The following SETD3 variants were observed in gnomAD, a reference collection of about 807,000 sequenced individuals.
SETD3 encodes actin-histidine N-methyltransferase.
In SETD3, 19 loss-of-function variants were observed where a neutral mutation model predicts 63.0. The observed-to-expected ratio is 0.30, with a 90% CI of 0.21 to 0.44. The LOEUF (loss-of-function observed/expected upper bound fraction) is 0.44, where lower values mean the gene tolerates loss of function less well. Among genes scored for constraint, SETD3 ranks in the 20% least tolerant of loss-of-function variants. The pLI is 1.00. For missense variants in SETD3, 587 were observed against 728.5 expected (o/e 0.81, Z 2.24); for synonymous variants, 286 against 264.1 (o/e 1.08, Z -0.80).
At chr14:99,410,156 C>T (rs1300273056) in intron 8 of SETD3, 1 of 1,595,466 alleles carries the variant, frequency 6.3e-7, no homozygotes, top group East Asian at 2.2e-5. Flanking sequence ...CCCGTAAGTG[C>T]CTAAGGAATG....
At chr14:99,412,815 G>A (rs781033820) in intron 8 of SETD3, 136 bp downstream of exon 8, 20 of 629,752 alleles carry the variant, frequency 3.2e-5, no homozygotes, top group South Asian at 2.0e-4. Context: ...AGGAGTGGCC[G>A]GTTCGGTTTT....
chr14:99,423,946 T>C (rs967339061), intron 6 of SETD3, among the ~76,000 whole-genome samples: 4 of 152,072 alleles, frequency 2.6e-5, no homozygotes, highest in Non-Finnish European at 5.9e-5. Context: ...AGTGGTAAAA[T>C]GGATTTCACT....
chr14:99,473,431 T>C (rs547396184), intron 1 of SETD3, among the ~76,000 whole-genome samples: 1 of 152,354 alleles, frequency 6.6e-6, no homozygotes, highest in African/African-American at 2.4e-5. Context: ...GATATTTATT[T>C]GTGTATTTCT....
intron 6 of SETD3, among the ~76,000 whole-genome samples, chr14:99,419,560 G>C (rs1892466071): frequency 1.3e-5 from 2 of 152,068 alleles, no homozygotes; most frequent in South Asian, 4.2e-4. Context: ...CGGATCACGA[G>C]GTCAGGAGAT....
chr14:99,427,081 T>C (rs1020541841), intron 6 of SETD3, among the ~76,000 whole-genome samples: 3 of 152,228 alleles, frequency 2.0e-5, no homozygotes, highest in South Asian at 2.1e-4. Flanking sequence ...CCTCCTGTCA[T>C]GTTCCTATGA....
At chr14:99,484,050 T>G (rs554889835), upstream of SETD3, among the ~76,000 whole-genome samples, 2 of 152,194 alleles carry the variant, frequency 1.3e-5, no homozygotes, top group Non-Finnish European at 2.9e-5. Flanking sequence ...AAATAAAAAA[T>G]AAATAAATTT....
intron 8 of SETD3, chr14:99,410,280 G>A (rs756860167): frequency 3.8e-5 from 61 of 1,611,064 alleles, no homozygotes; most frequent in Non-Finnish European, 4.9e-5. Flanking sequence ...GGGGGGACAG[G>A]TTGTTCGGAG....
chr14:99,399,564 G>A (rs370758287), intron 12 of SETD3, among the ~76,000 whole-genome samples: 3 of 152,166 alleles, frequency 2.0e-5, no homozygotes, highest in Middle Eastern at 3.4e-3. Flanking sequence ...ATGAAAACAT[G>A]TTTGTGAAAT....
chr14:99,480,244 CGGGA>C (rs1401832081), intron 1 of SETD3, among the ~76,000 whole-genome samples: 4 of 151,976 alleles, frequency 2.6e-5, no homozygotes, highest in African/African-American at 9.7e-5. Flanking sequence ...AGCGGGGTGA[CGGGA>C]GGAAGGAAGG....
At chr14:99,442,638 TTTC>T (rs1893890286) in intron 6 of SETD3, among the ~76,000 whole-genome samples, 1 of 152,232 alleles carries the variant, frequency 6.6e-6, no homozygotes, top group Admixed American at 6.5e-5. Flanking sequence ...TCCTTATGAT[TTTC>T]TTAATAATGT....
At chr14:99,445,109 C>T (rs936742760) in intron 6 of SETD3, among the ~76,000 whole-genome samples, 3 of 152,202 alleles carry the variant, frequency 2.0e-5, no homozygotes, top group Non-Finnish European at 4.4e-5. Context: ...GTTATCTAAT[C>T]CTCCTTGGCA....
chr14:99,472,036 G>T (rs1339549699), intron 1 of SETD3, among the ~76,000 whole-genome samples: 3 of 152,190 alleles, frequency 2.0e-5, no homozygotes, highest in Non-Finnish European at 4.4e-5. Flanking sequence ...TCCTGCATTA[G>T]CTCCAGCATA....
chr14:99,412,873 T>G (rs1173466049), intron 8 of SETD3, 78 bp downstream of exon 8: 1 of 1,015,686 alleles, frequency 9.8e-7, no homozygotes. Flanking sequence ...GATGGGTAGG[T>G]GGAATAACAG....
At chr14:99,428,951 C>T (rs940468593) in intron 6 of SETD3, among the ~76,000 whole-genome samples, 12 of 152,066 alleles carry the variant, frequency 7.9e-5, no homozygotes, top group Non-Finnish European at 1.8e-4. Context: ...CCTTTCTGAC[C>T]CACACAAACT....
At position 99,398,645 on chromosome 14, in the gene SETD3, C is replaced by CTCCAG; in HGVS notation, c.*33_*34insCTGGA. On this transcript the variant is annotated 3_prime_UTR_variant, in exon 13 of 13. Transcript: ENST00000331768. ...TGAACGGACTGTCCGTCAACTCCTG[C>CTCCAG]TCCACTGGATCCCCCATCCAGCTTC... is the stretch of plus-strand genomic sequence containing the variant. 1 of 1,584,960 alleles carries CTCCAG rather than the reference C, an allele frequency of 6.3e-7. No individual in the cohort carries two copies. The highest frequency in any genetic ancestry group is 8.6e-7 in the Non-Finnish European group (1 of 1,157,392).
At chr14:99,408,885 C>G (rs1405910378) in intron 8 of SETD3, among the ~76,000 whole-genome samples, 1 of 152,126 alleles carries the variant, frequency 6.6e-6, no homozygotes, top group African/African-American at 2.4e-5. Context: ...CTAGAGGACT[C>G]TCTCAGAGCA....
At chr14:99,481,687 G>C (rs1896329220), upstream of SETD3, 2 of 387,492 alleles carry the variant, frequency 5.2e-6, no homozygotes, top group African/African-American at 2.1e-5. Flanking sequence ...GCGCCGGGGC[G>C]GGGCAGGGAG....
upstream of SETD3, among the ~76,000 whole-genome samples, chr14:99,481,865 C>T (rs1428695051): frequency 1.3e-5 from 2 of 152,256 alleles, no homozygotes; most frequent in South Asian, 2.1e-4. Flanking sequence ...TAGTCCCAAC[C>T]TTGGCTAGGC....
Position 99,399,271 on chromosome 14 carries a change from T to C in SETD3, c.1339-146A>G, listed in dbSNP as rs75539207. The C allele has an allele frequency of 4.6e-4, 290 of 629,084 alleles. 1 individual carries two copies. The East Asian group carries it at 7.3e-3, about 16-fold the overall frequency. 39.0% of individuals were successfully genotyped at this position (629,084 alleles called of 1,614,324 possible). ...ACACTTGACTGGGCAGGTGGTCGCATGACCAGACACTCACATCAAAACGTA... is the reference window on the plus strand; with the variant it reads ...ACACTTGACTGGGCAGGTGGTCGCACGACCAGACACTCACATCAAAACGTA... On this transcript the variant is annotated intron_variant, in intron 12 of 12. Coordinates refer to ENST00000331768, the MANE Select transcript of SETD3 (RefSeq NM_032233.3).
Sources: allele counts gnomAD v4.1 joint callset (sites outside exome capture counted in the v4.1 genomes callset), GRCh38; gene constraint gnomAD v4.1.1; transcripts MANE v1.5; gene names NCBI Gene and HGNC (gene_info 2026-07-23, HGNC 2026-07-21).